Variants in ANK2 observed in about 807,000 individuals in gnomAD.
The protein encoded by ANK2 is ankyrin 2.
A neutral mutation model predicts 360.5 loss-of-function variants in ANK2; 83 were observed. That is an observed-to-expected ratio of 0.23 (90% CI 0.19 to 0.28). The LOEUF (loss-of-function observed/expected upper bound fraction) is 0.28, where lower values mean the gene tolerates loss of function less well. Among genes scored for constraint, ANK2 ranks in the 10% least tolerant of loss-of-function variants. The probability of loss-of-function intolerance (pLI) is 1.00; values close to 1 mark genes in which losing one functional copy is unlikely to be tolerated. For missense variants in ANK2, 4,201 were observed against 4,795.7 expected (o/e 0.88, Z 3.66); for synonymous variants, 1,740 against 1,759.5 (o/e 0.99, Z 0.28).
chr4:112,810,546 C>CTTATT, the ANK2 span, among the ~76,000 whole-genome samples: 9 of 151,728 alleles, frequency 5.9e-5, no homozygotes, highest in South Asian at 4.2e-4. Flanking sequence ...TTCCTTCTTG[C>CTTATT]TTATTTTATT....
rs568502975 is a variant in ANK2 at position 112,840,617 on chromosome 4, G to T, written c.-40+22353G>T. ...TATAGCTGACAGCTAATACAATTAG[G>T]ATTCATTTAGGGACGGAAAAATGCA... On this transcript the variant is annotated intron_variant, in intron 1 of 30. Coordinates refer to the ANK2 transcript ENST00000503271. Among the ~76,000 whole-genome samples, 3 of 152,274 alleles carry T rather than the reference G, an allele frequency of 2.0e-5. No homozygotes were observed. The East Asian group carries it at 5.8e-4, about 29-fold the overall frequency.
chr4:113,114,747 C>T (rs550804119), intron 1 of ANK2, among the ~76,000 whole-genome samples: 1 of 152,272 alleles, frequency 6.6e-6, no homozygotes, highest in East Asian at 1.9e-4. Flanking sequence ...ACTTTCTTCT[C>T]TATCTGTGCT....
the ANK2 span, among the ~76,000 whole-genome samples, chr4:112,782,196 A>AT: frequency 2.6e-5 from 4 of 152,064 alleles, no homozygotes; most frequent in Non-Finnish European, 4.4e-5. Context: ...AAAATCTAGG[A>AT]TTTTTTTCAA....
At chr4:112,755,876 T>C in the ANK2 span, 1 of 152,782 alleles carries the variant, frequency 6.5e-6, no homozygotes, top group Non-Finnish European at 1.5e-5. Flanking sequence ...TGTAACTGGT[T>C]ATAATCAATT....
At chr4:113,320,187 TATG>T (rs1039479891) in intron 26 of ANK2, among the ~76,000 whole-genome samples, 1 of 152,236 alleles carries the variant, frequency 6.6e-6, no homozygotes, top group African/African-American at 2.4e-5. Flanking sequence ...GTGCACTACT[TATG>T]ATGAACCAAC....
intron 4 of ANK2, among the ~76,000 whole-genome samples, chr4:113,227,340 T>C (rs1052824210): frequency 6.6e-6 from 1 of 152,212 alleles, no homozygotes; most frequent in Non-Finnish European, 1.5e-5. Context: ...CAGGAGCTGA[T>C]TGACAACCTA....
intron 10 of ANK2, among the ~76,000 whole-genome samples, chr4:113,253,246 C>A (rs1378505789): frequency 6.6e-6 from 1 of 152,154 alleles, no homozygotes; most frequent in African/African-American, 2.4e-5. Context: ...TCCTAGCTGC[C>A]ACTTCTCAGT....
At chr4:113,176,862 T>C (rs1340771221) in intron 2 of ANK2, among the ~76,000 whole-genome samples, 1 of 152,162 alleles carries the variant, frequency 6.6e-6, no homozygotes, top group Admixed American at 6.5e-5. Flanking sequence ...TTCCCAGTTA[T>C]GAGTGAGAAC....
intron 4 of ANK2, among the ~76,000 whole-genome samples, chr4:113,231,561 T>C (rs2099306500): frequency 6.6e-6 from 1 of 152,128 alleles, no homozygotes; most frequent in Admixed American, 6.5e-5. Flanking sequence ...CCATATGTTA[T>C]GAACTTATAC....
intron 2 of ANK2, among the ~76,000 whole-genome samples, chr4:113,032,229 T>A (rs1306824155): frequency 6.6e-6 from 1 of 152,100 alleles, no homozygotes; most frequent in Non-Finnish European, 1.5e-5. Flanking sequence ...GAAAGAGATA[T>A]AGAATGTTTT....
the ANK2 span, among the ~76,000 whole-genome samples, chr4:112,796,465 T>TACACACACAC: frequency 2.7e-4 from 40 of 150,398 alleles, 1 homozygote; most frequent in East Asian, 9.8e-4. Flanking sequence ...TCTATATATA[T>TACACACACAC]ACACACACAC....
Position 113,355,801 on chromosome 4 carries a change from A to G in ANK2, c.7183A>G (p.Thr2395Ala). 6.2e-7 allele frequency: 1 copy of G among 1,614,106 alleles called. No individual in the cohort carries two copies. Among genetic ancestry groups the G allele is most frequent in the African/African-American group, 1.3e-5 (1 of 75,036 alleles). The change falls in exon 38 of 46, where the codon ACT becomes GCT. Residue 2395 changes from threonine to alanine, a missense_variant. Physicochemically the swap from Thr to Ala is moderately conservative, Grantham distance 58 (BLOSUM62 0). Transcript: ENST00000357077. The part of the protein sequence containing the change: ...PEASVKTDTG[T>A]ESKPQGVIRS... ...GGCTTCTGTAAAGACAGATACAGGA[A>G]CTGAATCAAAACCTCAGGGAGTCAT...
intron 1 of ANK2, among the ~76,000 whole-genome samples, chr4:112,869,971 G>A (rs529574781): frequency 1.5e-4 from 23 of 151,068 alleles, no homozygotes; most frequent in Middle Eastern, 7.1e-3. Flanking sequence ...CACTGTACCT[G>A]GCATATTATT....
At chr4:113,044,381 A>T (rs1325758990) in intron 2 of ANK2, among the ~76,000 whole-genome samples, 1 of 152,176 alleles carries the variant, frequency 6.6e-6, no homozygotes, top group African/African-American at 2.4e-5. Flanking sequence ...GGGTTTATTA[A>T]CTAGGCTTCA....
intron 1 of ANK2, among the ~76,000 whole-genome samples, chr4:113,075,373 A>G (rs551315697): frequency 4.6e-5 from 7 of 152,332 alleles, no homozygotes; most frequent in South Asian, 2.1e-4. Context: ...GTTTCTTTGT[A>G]TAGGTGTTCT....
chr4:112,763,133 A>C, the ANK2 span, among the ~76,000 whole-genome samples: 11 of 152,090 alleles, frequency 7.2e-5, no homozygotes. Flanking sequence ...CGGTGGGCTC[A>C]CCACAGCCTT....
chr4:113,348,399 G>T lies in ANK2; in HGVS notation c.4404+91G>T. On this transcript the variant is annotated intron_variant, in intron 36 of 45. Transcript: ENST00000357077. ...TAGTTAACCTGTGTTCTTAGACGGGGTAGGCGGTTCTTCTTAGTAATTAAA... is the reference window on the plus strand; with the variant it reads ...TAGTTAACCTGTGTTCTTAGACGGGTTAGGCGGTTCTTCTTAGTAATTAAA... 2.9e-6 allele frequency: 4 copies of T among 1,391,358 alleles called. No homozygotes were observed. In the South Asian group the frequency reaches 4.7e-5, roughly 16 times the overall value. The allele number at this position is 1,391,358 out of a possible 1,614,324, so 86.2% of individuals were successfully genotyped here. A position where few individuals can be genotyped will look rare whatever the true frequency, so the allele number is the denominator to read the frequency against.
rs56149739 is a variant in ANK2 at position 112,865,031 on chromosome 4, C to CA, written c.-39-39385dup. Among the ~76,000 whole-genome samples, 75 of 52,504 alleles carry CA rather than the reference C, an allele frequency of 1.4e-3. 8 individuals are homozygous for CA. Among genetic ancestry groups the CA allele is most frequent in the South Asian group, 2.1e-3 (2 of 966 alleles). The allele number at this position is 52,504 out of a possible 152,430, so 34.4% of individuals were successfully genotyped here. A position where few individuals can be genotyped will look rare whatever the true frequency, so the allele number is the denominator to read the frequency against. On this transcript the variant is annotated intron_variant, in intron 1 of 30. Transcript: ENST00000503271. ...TGGGCGACAGAGCGAGACTCCATCT[C>CA]AAAAAAAAAAAAAAAAAAAAAAAAA... is the stretch of plus-strand genomic sequence containing the variant.
chr4:113,070,269 C>CTTTTTATT (rs2077079211), intron 1 of ANK2: 1 of 151,866 alleles, frequency 6.6e-6, no homozygotes, highest in Non-Finnish European at 1.5e-5. Context: ...AGTTGATCAG[C>CTTTTTATT]TTTTTATTTT....
Sources: gnomAD v4.1 joint callset for allele counts (sites outside exome capture counted in the v4.1 genomes callset) on GRCh38, gnomAD v4.1.1 for gene constraint, MANE v1.5 for transcripts, NCBI Gene and HGNC (gene_info 2026-07-23, HGNC 2026-07-21) for gene names.